The following CLN8 variants were observed in gnomAD, a reference collection of about 807,000 sequenced individuals.
The protein encoded by CLN8 is CLN8 transmembrane ER and ERGIC protein.
CLN8 carries 14 observed loss-of-function variants against 15.7 expected under a neutral mutation model. The observed-to-expected ratio is 0.89, with a 90% CI of 0.59 to 1.39. The LOEUF is 1.39. Among genes scored for constraint, CLN8 ranks in the 40% most tolerant of loss-of-function variants. The pLI is 0.00. For missense variants in CLN8, 415 were observed against 364.0 expected (o/e 1.14, Z -1.14); for synonymous variants, 188 against 151.0 (o/e 1.25, Z -1.80).
chr8:1,779,250 TA>T (rs1801628446), intron 2 of CLN8, among the ~76,000 whole-genome samples: 1 of 152,216 alleles, frequency 6.6e-6, no homozygotes. Flanking sequence ...TTTTTTATTT[TA>T]TTTTATTTTT....
chr8:1,755,530 G>C (rs1800649933), upstream of CLN8, among the ~76,000 whole-genome samples: 1 of 152,164 alleles, frequency 6.6e-6, no homozygotes, highest in Non-Finnish European at 1.5e-5. Flanking sequence ...GCTGGCTTGT[G>C]TTACATGTTC....
upstream of CLN8, among the ~76,000 whole-genome samples, chr8:1,755,435 G>A (rs751156549): frequency 9.9e-5 from 15 of 152,092 alleles, no homozygotes; most frequent in Non-Finnish European, 1.5e-5. Flanking sequence ...GCCCCACACA[G>A]ACCCCTCCCC....
intron 1 of CLN8, among the ~76,000 whole-genome samples, chr8:1,757,433 C>G (rs1242809800): frequency 6.6e-6 from 1 of 152,100 alleles, no homozygotes; most frequent in Non-Finnish European, 1.5e-5. Context: ...TGTCAAGGCA[C>G]TTTTTTTGGT....
Position 1,780,593 on chromosome 8 carries a change from GC to G in CLN8, c.*27del. 1 of 1,608,432 alleles carries G rather than the reference GC, an allele frequency of 6.2e-7. No individual in the cohort carries two copies. Among genetic ancestry groups the G allele is most frequent in the Non-Finnish European group, 8.5e-7 (1 of 1,175,916 alleles). ...CTGCTCCAGCCGGGGCTCCGGGGCG[GC>G]AGCAGAGCTGGCACACCGATTCTGG... On this transcript the variant is annotated 3_prime_UTR_variant, in exon 3 of 3. Coordinates refer to ENST00000331222, the MANE Select transcript of CLN8 (RefSeq NM_018941.4).
At chr8:1,773,021 G>A in intron 2 of CLN8, 3 of 398,490 alleles carry the variant, frequency 7.5e-6, no homozygotes, top group Non-Finnish European at 1.3e-5. Context: ...AAAGTGCACT[G>A]CAGTGTAAAC....
upstream of CLN8, chr8:1,762,621 G>A (rs1477850456): frequency 1.3e-5 from 2 of 152,202 alleles, no homozygotes. Context: ...TTTCCCACAT[G>A]TACTAAAGGG....
At chr8:1,759,493 T>C (rs1800742736), upstream of CLN8, 1 of 152,080 alleles carries the variant, frequency 6.6e-6, no homozygotes, top group Admixed American at 6.6e-5. Flanking sequence ...GGCCAGGTGA[T>C]AAGATACCGA....
At chr8:1,772,403 A>G (rs527545849) in intron 2 of CLN8, among the ~76,000 whole-genome samples, 4 of 152,322 alleles carry the variant, frequency 2.6e-5, no homozygotes, top group East Asian at 1.9e-4. Flanking sequence ...TGTTTTAAAA[A>G]TATTTGTCAC....
chr8:1,775,901 C>A (rs144216758), intron 2 of CLN8, among the ~76,000 whole-genome samples: 1 of 152,220 alleles, frequency 6.6e-6, no homozygotes, highest in Admixed American at 6.5e-5. Context: ...ATAACAAAGA[C>A]GATTCTCAGT....
intron 2 of CLN8, among the ~76,000 whole-genome samples, chr8:1,772,434 A>G (rs1474962698): frequency 6.6e-6 from 1 of 152,116 alleles, no homozygotes; most frequent in Admixed American, 6.5e-5. Flanking sequence ...TATTGATGTC[A>G]AAATGTTCTT....
upstream of CLN8, chr8:1,759,006 G>A (rs1275850285): frequency 1.3e-5 from 2 of 152,150 alleles, no homozygotes; most frequent in Admixed American, 1.3e-4. Flanking sequence ...TATATTCTGG[G>A]GTAAAATGCT....
intron 1 of CLN8, among the ~76,000 whole-genome samples, chr8:1,766,058 G>A (rs916429766): frequency 6.6e-6 from 1 of 152,204 alleles, no homozygotes; most frequent in African/African-American, 2.4e-5. Context: ...AAGGGTTCCA[G>A]TGGCCACTGA....
intron 1 of CLN8, among the ~76,000 whole-genome samples, chr8:1,757,247 G>T (rs1349159312): frequency 3.3e-5 from 5 of 152,178 alleles, no homozygotes; most frequent in Admixed American, 1.3e-4. Context: ...TCGGAAGCCT[G>T]GTAGCTTCTC....
At chr8:1,761,012 CTTTTTTTTTTTTT>C (rs61327257), upstream of CLN8, among the ~76,000 whole-genome samples, 26 of 67,616 alleles carry the variant, frequency 3.8e-4, no homozygotes, top group South Asian at 3.1e-3. Context: ...CTATAGCCAT[CTTTTTTTTTTTTT>C]TTTTTTTTTT....
chr8:1,773,589 C>T (rs1232801079), intron 2 of CLN8: 1 of 152,252 alleles, frequency 6.6e-6, no homozygotes, highest in East Asian at 1.9e-4. Flanking sequence ...CATCAGCATC[C>T]TGTACGCAGC....
At chr8:1,765,424 A>C (rs375614416) in intron 1 of CLN8, among the ~76,000 whole-genome samples, 1 of 152,182 alleles carries the variant, frequency 6.6e-6, no homozygotes, top group Non-Finnish European at 1.5e-5. Flanking sequence ...GAGGATTGTA[A>C]ATTTTTATTT....
Position 1,783,300 on chromosome 8 carries a change from C to T in CLN8, c.*2733C>T, listed in dbSNP as rs1801752139. 6.6e-6 allele frequency: 1 copy of T among 152,252 alleles called. No homozygotes were observed. The highest frequency in any genetic ancestry group is 2.1e-4 in the South Asian group (1 of 4,836). The allele number at this position is 152,252 out of a possible 1,614,324, so 9.4% of individuals were successfully genotyped here. A position where few individuals can be genotyped will look rare whatever the true frequency, so the allele number is the denominator to read the frequency against. On this transcript the variant is annotated 3_prime_UTR_variant, in exon 3 of 3. Coordinates refer to ENST00000331222, the MANE Select transcript of CLN8 (RefSeq NM_018941.4). ...GCTTCACATCCTCTATTGAGAGTTA[C>T]AGCAAGTGTTAAACGAGGTGAGTTC...
Position 1,780,932 on chromosome 8 carries a change from C to T in CLN8, c.*365C>T, listed in dbSNP as rs368210927. ...GCCTCCCACAGGGCGGGTGGGTCAG[C>T]GTTGACTCTTTCCAGCTGCACACTC... On this transcript the variant is annotated 3_prime_UTR_variant, in exon 3 of 3. Transcript: ENST00000331222. 8 of 330,256 alleles carry T rather than the reference C, an allele frequency of 2.4e-5. No individual in the cohort carries two copies. Among genetic ancestry groups the T allele is most frequent in the East Asian group, 6.1e-5 (1 of 16,438 alleles). The allele number at this position is 330,256 out of a possible 1,614,324, so 20.5% of individuals were successfully genotyped here.
intron 1 of CLN8, among the ~76,000 whole-genome samples, chr8:1,770,407 T>C (rs1331261210): frequency 2.0e-5 from 3 of 152,128 alleles, no homozygotes; most frequent in African/African-American, 7.2e-5. Flanking sequence ...CAGAGTGCCG[T>C]AGGTCACAGT....
Sources: gnomAD v4.1 joint callset for allele counts (sites outside exome capture counted in the v4.1 genomes callset) on GRCh38, gnomAD v4.1.1 for gene constraint, MANE v1.5 for transcripts, NCBI Gene and HGNC (gene_info 2026-07-23, HGNC 2026-07-21) for gene names.